The following NWD1 variants were observed in gnomAD, a reference collection of about 807,000 sequenced individuals.
NWD1 encodes the protein NACHT and WD repeat domain containing 1.
NWD1 carries 129 observed loss-of-function variants against 135.1 expected under a neutral mutation model. The observed-to-expected ratio is 0.96, with a 90% CI of 0.83 to 1.11. The LOEUF (loss-of-function observed/expected upper bound fraction) is 1.11. NWD1 is among the 50% of genes least tolerant of loss of function. The probability of loss-of-function intolerance (pLI) is 0.00; values close to 1 mark genes in which losing one functional copy is unlikely to be tolerated. For synonymous variants in NWD1, 773 were observed against 786.0 expected, an observed-to-expected ratio of 0.98 and a Z score of 0.28; for missense variants, 1,740 against 1,851.3, an observed-to-expected ratio of 0.94 and a Z score of 1.10.
chr19:16,751,651 A>C (rs1229582649), intron 6 of NWD1, among the ~76,000 whole-genome samples: 1 of 151,872 alleles, frequency 6.6e-6, no homozygotes, highest in African/African-American at 2.4e-5. Flanking sequence ...GAATACAAAA[A>C]TTAGCCCGGC....
Position 16,807,749 on chromosome 19 carries a change from A to G in NWD1, c.3900A>G (p.Lys1300=). 1 of 1,613,132 alleles carries G rather than the reference A, an allele frequency of 6.2e-7. No individual in the cohort carries two copies. Among genetic ancestry groups the G allele is most frequent in the Non-Finnish European group, 8.5e-7 (1 of 1,179,218 alleles). Residue 1300 remains lysine (K), a synonymous_variant, in exon 18 of 19, where the codon AAA becomes AAG. Coordinates refer to ENST00000524140, the MANE Select transcript of NWD1 (RefSeq NM_001007525.5). ...GCATTCCCCCTCCCGAGGCCCGGAA[A>G]GCAATCAACTGCATGTCCCTGAGCA... is the stretch of plus-strand genomic sequence containing the variant. ...VICIPPPEAR[K]AINCMSLSKC...
At chr19:16,754,119 A>G (rs1187040553) in intron 6 of NWD1, among the ~76,000 whole-genome samples, 1 of 145,564 alleles carries the variant, frequency 6.9e-6, no homozygotes, top group Non-Finnish European at 1.5e-5. Flanking sequence ...TCATCTATCT[A>G]TCCATCATCT....
At chr19:16,729,577 T>TAAAAAAAAAAAAAAAAAAAAAAAAA (rs537329853) in intron 2 of NWD1, among the ~76,000 whole-genome samples, 1 of 125,052 alleles carries the variant, frequency 8.0e-6, no homozygotes, top group African/African-American at 3.0e-5. Context: ...TTACAAAAAG[T>TAAAAAAAAAAAAAAAAAAAAAAAAA]AAAAAAAAAA....
chr19:16,809,123 T>C (rs1970843770), intron 18 of NWD1, among the ~76,000 whole-genome samples: 1 of 151,752 alleles, frequency 6.6e-6, no homozygotes, highest in Non-Finnish European at 1.5e-5. Flanking sequence ...GGAGTCTTGC[T>C]CTGTCACCCA....
chr19:16,756,125 T>C (rs1007549181), intron 6 of NWD1, among the ~76,000 whole-genome samples: 3 of 152,108 alleles, frequency 2.0e-5, no homozygotes, highest in African/African-American at 7.2e-5. Flanking sequence ...TGGTGGCTCA[T>C]GCTTTTAATT....
At chr19:16,788,897 A>G in intron 12 of NWD1, 85 bp from the exon 13 acceptor site, 1 of 887,190 alleles carries the variant, frequency 1.1e-6, no homozygotes, top group Non-Finnish European at 1.9e-6. Flanking sequence ...AAATGAGGGT[A>G]TTTCCAAGCT....
chr19:16,720,543 A>G (rs535663377), intron 1 of NWD1, among the ~76,000 whole-genome samples: 1 of 152,112 alleles, frequency 6.6e-6, no homozygotes, highest in Admixed American at 6.5e-5. Flanking sequence ...CCTAGGGGAC[A>G]TTGCAATGTC....
chr19:16,745,137 C>T (rs1968254745), intron 5 of NWD1: 2 of 455,230 alleles, frequency 4.4e-6, no homozygotes, highest in Admixed American at 2.4e-5. Context: ...GCACATCTTA[C>T]ATGGTGGCAG....
Position 16,808,650 on chromosome 19 carries a change from G to A in NWD1, c.4287+514G>A, listed in dbSNP as rs140903726. Among the ~76,000 whole-genome samples the A allele has an allele frequency of 1.7e-3, 265 of 151,864 alleles. 1 individual carries two copies. The highest frequency in any genetic ancestry group is 1.3e-3 in the Non-Finnish European group (87 of 67,946). On this transcript the variant is annotated intron_variant, in intron 18 of 18. Transcript: ENST00000524140. ...AAAGAGACAGGGACCCCACTGTCACGAGGCTGTAGTACAGTGGCACAATCA... is the reference window on the plus strand; with the variant it reads ...AAAGAGACAGGGACCCCACTGTCACAAGGCTGTAGTACAGTGGCACAATCA...
Position 16,817,551 on chromosome 19 carries a change from G to C in NWD1, c.*2512G>C, listed in dbSNP as rs577091922. ...CGGGAGGCGGAGGTTGCAGTGAGCC[G>C]AGATCGCACCACTGCACTCCAGCAT... On this transcript the variant is annotated 3_prime_UTR_variant, in exon 19 of 19. Coordinates refer to ENST00000524140, the MANE Select transcript of NWD1 (RefSeq NM_001007525.5). The C allele has an allele frequency of 1.4e-5, 2 of 146,456 alleles. No individual in the cohort carries two copies. The highest frequency in any genetic ancestry group is 1.4e-4 in the Admixed American group (2 of 14,312). 9.1% of individuals were successfully genotyped at this position (146,456 alleles called of 1,614,324 possible).
chr19:16,733,529 A>G (rs920002434), intron 3 of NWD1, among the ~76,000 whole-genome samples: 4 of 151,978 alleles, frequency 2.6e-5, no homozygotes, highest in African/African-American at 9.7e-5. Context: ...TCAAAAAAAA[A>G]AAAAAAATCA....
chr19:16,766,248 A>C (rs890322107), intron 10 of NWD1, among the ~76,000 whole-genome samples: 3 of 152,052 alleles, frequency 2.0e-5, no homozygotes, highest in Admixed American at 6.6e-5. Flanking sequence ...TGTAAAAATT[A>C]TTCTCAGGCT....
At chr19:16,799,258 C>T (rs1970519575) in intron 16 of NWD1, among the ~76,000 whole-genome samples, 1 of 151,948 alleles carries the variant, frequency 6.6e-6, no homozygotes, top group East Asian at 1.9e-4. Flanking sequence ...TGCAGTGGCG[C>T]AATCTCAGCT....
chr19:16,737,482 C>A (rs1415626889), intron 4 of NWD1, among the ~76,000 whole-genome samples: 1 of 151,218 alleles, frequency 6.6e-6, no homozygotes, highest in East Asian at 1.9e-4. Flanking sequence ...GTCTTGAACT[C>A]CTAGGCACAA....
chr19:16,774,908 A>G (rs1011137201), intron 11 of NWD1, among the ~76,000 whole-genome samples: 1 of 151,900 alleles, frequency 6.6e-6, no homozygotes, highest in African/African-American at 2.4e-5. Context: ...CTTCAATTTC[A>G]TCGAGAAACT....
At chr19:16,788,194 C>CACT (rs1261995114) in intron 12 of NWD1, among the ~76,000 whole-genome samples, 1 of 146,150 alleles carries the variant, frequency 6.8e-6, no homozygotes, top group Non-Finnish European at 1.5e-5. Flanking sequence ...CACGCCACTG[C>CACT]ACTCCAGCCT....
chr19:16,746,545 C>T (rs1968323814), intron 5 of NWD1, among the ~76,000 whole-genome samples: 1 of 151,934 alleles, frequency 6.6e-6, no homozygotes, highest in Non-Finnish European at 1.5e-5. Context: ...TGGTGGTGCA[C>T]ACCTGTAGTC....
In NWD1 at chr19:16,728,893, G is replaced by A. The variant is rs571360991; in HGVS notation, c.-6-2299G>A. On this transcript the variant is annotated intron_variant, in intron 2 of 18. Coordinates refer to ENST00000524140, the MANE Select transcript of NWD1 (RefSeq NM_001007525.5). ...CAGGAGGCGGAGCTTGCAGCGAGCC[G>A]AGATCATGCCACTGCACTCCAGCCT... Among the ~76,000 whole-genome samples, 9 of 145,200 alleles carry A rather than the reference G, an allele frequency of 6.2e-5. No individual in the cohort carries two copies. The South Asian group carries it at 6.5e-4, about 11-fold the overall frequency.
At chr19:16,788,310 C>T (rs1970126105) in intron 12 of NWD1, among the ~76,000 whole-genome samples, 2 of 148,444 alleles carry the variant, frequency 1.3e-5, no homozygotes, top group African/African-American at 4.9e-5. Context: ...TGGCTCATGC[C>T]TGTAATCCCA....
Sources: allele counts gnomAD v4.1 joint callset (sites outside exome capture counted in the v4.1 genomes callset), GRCh38; gene constraint gnomAD v4.1.1; transcripts MANE v1.5; gene names NCBI Gene and HGNC (gene_info 2026-07-23, HGNC 2026-07-21).